Variants in XKR9 observed in about 807,000 individuals in gnomAD.
XKR9 encodes the protein XK related 9.
Under a neutral mutation model 32.0 loss-of-function variants are expected in XKR9, and 32 were observed. The observed-to-expected ratio is 1.00, with a 90% CI of 0.76 to 1.34. The LOEUF (loss-of-function observed/expected upper bound fraction) is 1.34, where lower values mean the gene tolerates loss of function less well. XKR9 is among the 40% of genes most tolerant of loss of function. The pLI, the probability that XKR9 is intolerant of heterozygous loss-of-function variation, is 0.00. For synonymous variants in XKR9, 168 were observed against 143.4 expected, an observed-to-expected ratio of 1.17 and a Z score of -1.22; for missense variants, 546 against 429.7, an observed-to-expected ratio of 1.27 and a Z score of -2.39.
At chr8:70,868,062 C>T in the XKR9 span, among the ~76,000 whole-genome samples, 36 of 152,260 alleles carry the variant, frequency 2.4e-4, no homozygotes, top group African/African-American at 7.0e-4. Context: ...ATGCAAGAGG[C>T]GGGCTCCCAT....
intron 2 of XKR9, among the ~76,000 whole-genome samples, chr8:70,761,374 T>A (rs188468894): frequency 1.3e-5 from 2 of 151,976 alleles, no homozygotes; most frequent in Non-Finnish European, 2.9e-5. Context: ...ACCAGCATTT[T>A]TTTTTGACTT....
At chr8:70,978,679 A>G in the XKR9 span, among the ~76,000 whole-genome samples, 1 of 151,896 alleles carries the variant, frequency 6.6e-6, no homozygotes, top group Admixed American at 6.6e-5. Context: ...TTTGTCCTTC[A>G]TTTCAACCTT....
At chr8:70,733,462 G>T (rs1408670989) in intron 4 of XKR9, among the ~76,000 whole-genome samples, 1 of 151,974 alleles carries the variant, frequency 6.6e-6, no homozygotes, top group African/African-American at 2.4e-5. Context: ...GCTTTTTTCA[G>T]TATATCAGTT....
At chr8:70,747,613 G>T (rs1016320318) in intron 2 of XKR9, among the ~76,000 whole-genome samples, 12 of 152,140 alleles carry the variant, frequency 7.9e-5, no homozygotes, top group Non-Finnish European at 1.8e-4. Flanking sequence ...CTCCTGAACT[G>T]TAAGAAACAC....
chr8:70,685,534 C>G (rs983900157), intron 3 of XKR9, among the ~76,000 whole-genome samples: 85 of 148,260 alleles, frequency 5.7e-4, no homozygotes, highest in Non-Finnish European at 5.6e-4. Context: ...CACACATACA[C>G]CATGGAATAC....
intron 2 of XKR9, among the ~76,000 whole-genome samples, chr8:70,771,773 A>T (rs1350770676): frequency 6.6e-6 from 1 of 152,116 alleles, no homozygotes; most frequent in Non-Finnish European, 1.5e-5. Flanking sequence ...CCTCTTGAGA[A>T]CCCAGTCTCA....
the XKR9 span, among the ~76,000 whole-genome samples, chr8:70,981,454 G>A: frequency 2.0e-5 from 3 of 151,926 alleles, no homozygotes; most frequent in African/African-American, 7.3e-5. Flanking sequence ...AGGGCATTTT[G>A]TATTTCTCTA....
the XKR9 span, among the ~76,000 whole-genome samples, chr8:70,971,286 A>G: frequency 2.6e-5 from 4 of 151,068 alleles, no homozygotes; most frequent in African/African-American, 9.7e-5. Flanking sequence ...ATCTATTCAT[A>G]TCCTTAGCCC....
chr8:70,691,968 A>G (rs1805085170), intron 3 of XKR9, among the ~76,000 whole-genome samples: 1 of 152,144 alleles, frequency 6.6e-6, no homozygotes, highest in African/African-American at 2.4e-5. Context: ...TGGTAGTTTA[A>G]CAGGTATAGC....
the XKR9 span, among the ~76,000 whole-genome samples, chr8:70,840,710 C>T: frequency 6.6e-6 from 1 of 152,128 alleles, no homozygotes; most frequent in South Asian, 2.1e-4. Context: ...GAGGCAACTG[C>T]TGGCCAGGAG....
At chr8:70,742,004 T>C (rs774840962) in intron 2 of XKR9, among the ~76,000 whole-genome samples, 3 of 151,880 alleles carry the variant, frequency 2.0e-5, no homozygotes, top group Non-Finnish European at 2.9e-5. Context: ...CCCTAATGAA[T>C]ATGAGATGAT....
chr8:70,780,485 T>G (rs1013280929), intron 2 of XKR9, among the ~76,000 whole-genome samples: 1 of 152,138 alleles, frequency 6.6e-6, no homozygotes, highest in Non-Finnish European at 1.5e-5. Context: ...TTTTGACTTA[T>G]GTACTATATA....
At chr8:70,749,460 C>G (rs1563467061) in intron 2 of XKR9, among the ~76,000 whole-genome samples, 1 of 151,968 alleles carries the variant, frequency 6.6e-6, no homozygotes, top group Admixed American at 6.6e-5. Flanking sequence ...TTCCCTTTGT[C>G]TAGATGTTGC....
At chr8:70,811,660 C>T in the XKR9 span, among the ~76,000 whole-genome samples, 2 of 152,186 alleles carry the variant, frequency 1.3e-5, no homozygotes, top group African/African-American at 4.8e-5. Flanking sequence ...ATACTACAAA[C>T]ACCTCTACAC....
At chr8:70,998,276 C>A in the XKR9 span, among the ~76,000 whole-genome samples, 27 of 152,182 alleles carry the variant, frequency 1.8e-4, no homozygotes, top group Non-Finnish European at 1.5e-5. Context: ...CTAATTACTT[C>A]ATGAAGCATG....
intron 3 of XKR9, among the ~76,000 whole-genome samples, chr8:70,789,862 T>G (rs1807740933): frequency 6.6e-6 from 1 of 152,070 alleles, no homozygotes; most frequent in African/African-American, 2.4e-5. Flanking sequence ...CATCTCTTGT[T>G]TGGCAGGCAA....
chr8:70,948,023 T>C, the XKR9 span, among the ~76,000 whole-genome samples: 17 of 152,210 alleles, frequency 1.1e-4, no homozygotes, highest in African/African-American at 2.4e-4. Flanking sequence ...CCTGGCAAGA[T>C]AATTTTACAA....
the XKR9 span, among the ~76,000 whole-genome samples, chr8:71,028,612 G>A: frequency 2.0e-5 from 3 of 152,112 alleles, no homozygotes; most frequent in Admixed American, 1.3e-4. Flanking sequence ...AAACAATTGA[G>A]AGTGAATTTC....
At chr8:70,992,735 G>A in the XKR9 span, among the ~76,000 whole-genome samples, 1 of 152,192 alleles carries the variant, frequency 6.6e-6, no homozygotes, top group African/African-American at 2.4e-5. Context: ...TTTCACCCAT[G>A]CAGTAGCAGT....
Sources: allele counts gnomAD v4.1 joint callset (sites outside exome capture counted in the v4.1 genomes callset), GRCh38; gene constraint gnomAD v4.1.1; transcripts MANE v1.5; gene names NCBI Gene and HGNC (gene_info 2026-07-23, HGNC 2026-07-21).